APBA1: variants seen among roughly 807,000 people sequenced by gnomAD.
APBA1 encodes the protein amyloid beta precursor protein binding family A member 1.
Under a neutral mutation model 86.6 loss-of-function variants are expected in APBA1, and 55 were observed. The observed-to-expected ratio is 0.64, with a 90% CI of 0.51 to 0.80. The LOEUF is 0.80. APBA1 is among the 30% of genes least tolerant of loss of function. The probability of loss-of-function intolerance (pLI) is 0.00; values close to 1 mark genes in which losing one functional copy is unlikely to be tolerated. For synonymous variants in APBA1, 511 were observed against 493.9 expected (o/e 1.03, Z -0.46); for missense variants, 1,090 against 1,183.0 (o/e 0.92, Z 1.15).
At chr9:69,498,167 T>C (rs554779233) in intron 2 of APBA1, among the ~76,000 whole-genome samples, 2 of 152,172 alleles carry the variant, frequency 1.3e-5, no homozygotes, top group African/African-American at 2.4e-5. Flanking sequence ...AACCATGACT[T>C]CCATCTTGCT....
intron 7 of APBA1, among the ~76,000 whole-genome samples, 169 bp downstream of exon 7, chr9:69,456,878 GCAATCC>G (rs1018824083): frequency 2.0e-5 from 3 of 152,108 alleles, no homozygotes; most frequent in African/African-American, 7.2e-5. Context: ...CTTTAAGAAA[GCAATCC>G]CAAACCCCAC....
At chr9:69,457,581 G>T (rs900449784) in intron 6 of APBA1, among the ~76,000 whole-genome samples, 1 of 152,092 alleles carries the variant, frequency 6.6e-6, no homozygotes, top group African/African-American at 2.4e-5. Context: ...AAGCCATTTG[G>T]ATGCAGTTCT....
intron 1 of APBA1, among the ~76,000 whole-genome samples, chr9:69,595,880 G>A (rs184452718): frequency 2.6e-5 from 4 of 152,260 alleles, no homozygotes; most frequent in East Asian, 1.9e-4. Flanking sequence ...AGCAATTCAC[G>A]ATCAGTGATG....
chr9:69,567,762 A>G (rs1209323428), intron 1 of APBA1, among the ~76,000 whole-genome samples: 4 of 152,158 alleles, frequency 2.6e-5, no homozygotes, highest in African/African-American at 9.7e-5. Flanking sequence ...GAGGAGGTGC[A>G]GGCCTTCTTC....
At chr9:69,502,775 A>G (rs1275375846) in intron 2 of APBA1, among the ~76,000 whole-genome samples, 1 of 152,028 alleles carries the variant, frequency 6.6e-6, no homozygotes, top group African/African-American at 2.4e-5. Flanking sequence ...TGAACGCATC[A>G]CACTTCACCT....
At chr9:69,577,769 G>T (rs1167784154) in intron 1 of APBA1, among the ~76,000 whole-genome samples, 1 of 152,106 alleles carries the variant, frequency 6.6e-6, no homozygotes, top group Non-Finnish European at 1.5e-5. Context: ...AAAATCATCT[G>T]GCTAACCAGT....
intron 1 of APBA1, among the ~76,000 whole-genome samples, chr9:69,670,586 G>GA (rs1489364665): frequency 4.6e-5 from 7 of 152,242 alleles, no homozygotes; most frequent in Non-Finnish European, 2.9e-5. Flanking sequence ...AGGTGAGGGG[G>GA]AATCACACTG....
chr9:69,567,347 C>T (rs530228871), intron 1 of APBA1, among the ~76,000 whole-genome samples: 9 of 152,210 alleles, frequency 5.9e-5, no homozygotes, highest in South Asian at 2.1e-4. Flanking sequence ...CCGCCCCCAC[C>T]GCCATGCAAC....
chr9:69,503,783 G>A (rs1174339256), intron 2 of APBA1, among the ~76,000 whole-genome samples: 1 of 152,028 alleles, frequency 6.6e-6, no homozygotes, highest in African/African-American at 2.4e-5. Context: ...GGAGCCCTCT[G>A]AGCGGCAGGC....
intron 1 of APBA1, among the ~76,000 whole-genome samples, chr9:69,521,545 G>A (rs870330): frequency 0.18 from 27,538 of 151,942 alleles, 2,588 homozygotes; most frequent in Admixed American, 0.23. Context: ...TGGGTCGGGG[G>A]TCAGAGGGAA....
At chr9:69,557,718 A>G (rs1836884625) in intron 1 of APBA1, among the ~76,000 whole-genome samples, 1 of 152,212 alleles carries the variant, frequency 6.6e-6, no homozygotes, top group Admixed American at 6.5e-5. Context: ...AGGCTGCAGA[A>G]TGGTTTCCTT....
chr9:69,470,527 T>G (rs774115834), intron 4 of APBA1, among the ~76,000 whole-genome samples: 2 of 152,156 alleles, frequency 1.3e-5, no homozygotes, highest in Non-Finnish European at 2.9e-5. Context: ...ACAAAAATGA[T>G]GCAAATAATT....
At chr9:69,656,734 A>T (rs1305270671) in intron 1 of APBA1, among the ~76,000 whole-genome samples, 1 of 152,260 alleles carries the variant, frequency 6.6e-6, no homozygotes, top group Non-Finnish European at 1.5e-5. Context: ...ATCGCAATTT[A>T]AAAACATCAA....
rs773579721 is a variant in APBA1 at position 69,540,157 on chromosome 9, A to AAC, written c.-69-22879_-69-22878insGT. On this transcript the variant is annotated intron_variant, in intron 1 of 12. Transcript: ENST00000265381. Reference sequence around the variant, plus strand: ...CAACAACAACAACAACAACAACAACAAAAGTCACCTTATAAGACATGCTCC... The same window carrying AAC: ...CAACAACAACAACAACAACAACAACAACAAAGTCACCTTATAAGACATGCTCC... 6.2e-4 allele frequency among the ~76,000 whole-genome samples: 91 copies of AAC among 147,740 alleles called. 1 individual carries two copies. Among genetic ancestry groups the AAC allele is most frequent in the African/African-American group, 2.3e-3 (86 of 37,428 alleles).
intron 1 of APBA1, among the ~76,000 whole-genome samples, chr9:69,671,338 T>C (rs551779906): frequency 6.4e-4 from 97 of 152,198 alleles, no homozygotes; most frequent in African/African-American, 2.3e-3. Context: ...CCAGGTACAT[T>C]AGCAAGCCCA....
intron 9 of APBA1, among the ~76,000 whole-genome samples, chr9:69,451,194 T>A (rs1835002886): frequency 6.6e-6 from 1 of 152,178 alleles, no homozygotes; most frequent in South Asian, 2.1e-4. Flanking sequence ...AGCTTCCCTC[T>A]GGACAGAAGG....
At chr9:69,503,677 T>C (rs1835912195) in intron 2 of APBA1, among the ~76,000 whole-genome samples, 1 of 152,128 alleles carries the variant, frequency 6.6e-6, no homozygotes, top group Non-Finnish European at 1.5e-5. Context: ...TGATCAATAA[T>C]TTATGCCAAG....
At chr9:69,562,522 A>G (rs1836962521) in intron 1 of APBA1, among the ~76,000 whole-genome samples, 1 of 151,782 alleles carries the variant, frequency 6.6e-6, no homozygotes, top group South Asian at 2.1e-4. Context: ...TTACAGGCAC[A>G]CGCCACCAAG....
chr9:69,536,706 A>AG (rs1836516961), intron 1 of APBA1, among the ~76,000 whole-genome samples: 2 of 134,582 alleles, frequency 1.5e-5, no homozygotes, highest in African/African-American at 5.6e-5. Flanking sequence ...ATCTCTACTA[A>AG]AAAAAAAAAA....
Sources: allele counts gnomAD v4.1 joint callset (sites outside exome capture counted in the v4.1 genomes callset), GRCh38; gene constraint gnomAD v4.1.1; transcripts MANE v1.5; gene names NCBI Gene and HGNC (gene_info 2026-07-23, HGNC 2026-07-21).